Variants in REDIC1 observed in about 807,000 individuals in gnomAD.
REDIC1 encodes the protein HEI10 Interacting Protein 1.
At chr12:39,735,517 G>T in the REDIC1 span, among the ~76,000 whole-genome samples, 19 of 152,144 alleles carry the variant, frequency 1.2e-4, no homozygotes, top group Admixed American at 1.2e-3. Flanking sequence ...GCAACAGAAA[G>T]AACTTTAATA....
At chr12:39,720,213 C>T in the REDIC1 span, among the ~76,000 whole-genome samples, 41 of 151,906 alleles carry the variant, frequency 2.7e-4, no homozygotes, top group African/African-American at 9.9e-4. Flanking sequence ...TGCTACTTAA[C>T]TTTTCTTTGT....
At chr12:39,709,518 C>T in the REDIC1 span, among the ~76,000 whole-genome samples, 1 of 151,522 alleles carries the variant, frequency 6.6e-6, no homozygotes, top group Non-Finnish European at 1.5e-5. Context: ...CCCCTCCCCC[C>T]AGCCCCTGGC....
chr12:39,870,838 G>T, the REDIC1 span, among the ~76,000 whole-genome samples: 1 of 152,178 alleles, frequency 6.6e-6, no homozygotes, highest in Admixed American at 6.5e-5. Context: ...TCAGGAGAGG[G>T]TATGTATTTC....
At chr12:39,672,417 G>A in the REDIC1 span, among the ~76,000 whole-genome samples, 3 of 152,112 alleles carry the variant, frequency 2.0e-5, no homozygotes, top group African/African-American at 7.2e-5. Flanking sequence ...TGCTGCTAGG[G>A]GGAGGCAGTT....
the REDIC1 span, among the ~76,000 whole-genome samples, chr12:39,801,338 TTAAAAAAAA>T: frequency 1.1e-4 from 2 of 17,672 alleles, no homozygotes; most frequent in African/African-American, 4.7e-4. Flanking sequence ...AATGAGGAAA[TTAAAAAAAA>T]AAAAAAAAAA....
chr12:39,830,051 G>T, the REDIC1 span: 4 of 1,608,992 alleles, frequency 2.5e-6, no homozygotes, highest in Non-Finnish European at 3.4e-6. Flanking sequence ...TTAAACATAA[G>T]CCTCGTTTTG....
the REDIC1 span, among the ~76,000 whole-genome samples, chr12:39,876,781 C>T: frequency 6.6e-6 from 1 of 152,004 alleles, no homozygotes; most frequent in Non-Finnish European, 1.5e-5. Context: ...ACGTTAATTT[C>T]ATAAATAAAA....
the REDIC1 span, chr12:39,746,177 C>T: frequency 6.6e-6 from 1 of 152,284 alleles, no homozygotes; most frequent in Non-Finnish European, 1.5e-5. Flanking sequence ...AGGGAATTCC[C>T]TTTCCTAGCC....
chr12:39,783,226 T>G, the REDIC1 span, among the ~76,000 whole-genome samples: 6 of 152,248 alleles, frequency 3.9e-5, no homozygotes, highest in Non-Finnish European at 8.8e-5. Context: ...CTGCATAGTA[T>G]TCCATGGTGT....
chr12:39,863,617 T>C, the REDIC1 span, among the ~76,000 whole-genome samples: 2 of 152,164 alleles, frequency 1.3e-5, no homozygotes, highest in African/African-American at 4.8e-5. Context: ...GAGGCAGATG[T>C]CCAAATAAAG....
At chr12:39,869,489 T>C in the REDIC1 span, among the ~76,000 whole-genome samples, 1 of 152,152 alleles carries the variant, frequency 6.6e-6, no homozygotes, top group African/African-American at 2.4e-5. Flanking sequence ...GGAAATCAAA[T>C]AGACTGTGTC....
chr12:39,730,586 T>C, the REDIC1 span, among the ~76,000 whole-genome samples: 3 of 152,326 alleles, frequency 2.0e-5, no homozygotes, highest in African/African-American at 7.2e-5. Flanking sequence ...TGGCTACCCT[T>C]AACATTTTTT....
At chr12:39,890,477 A>T in the REDIC1 span, among the ~76,000 whole-genome samples, 1 of 152,140 alleles carries the variant, frequency 6.6e-6, no homozygotes, top group Non-Finnish European at 1.5e-5. Flanking sequence ...AGACAGGGAG[A>T]TTATTCTGGA....
the REDIC1 span, among the ~76,000 whole-genome samples, chr12:39,761,612 G>C: frequency 1.2e-4 from 10 of 84,642 alleles, no homozygotes; most frequent in East Asian, 3.2e-3. Context: ...CTAGCTCTTG[G>C]AGAATGGGGG....
At chr12:39,769,696 C>G in the REDIC1 span, among the ~76,000 whole-genome samples, 4 of 152,036 alleles carry the variant, frequency 2.6e-5, no homozygotes, top group East Asian at 7.8e-4. Flanking sequence ...TATTTAGTTT[C>G]ATCCTACTTG....
chr12:39,724,915 T>C, the REDIC1 span, among the ~76,000 whole-genome samples: 2 of 151,670 alleles, frequency 1.3e-5, no homozygotes. Context: ...GTATCAACAG[T>C]ATAGGAGAGA....
At chr12:39,883,213 A>T in the REDIC1 span, among the ~76,000 whole-genome samples, 4 of 152,078 alleles carry the variant, frequency 2.6e-5, no homozygotes, top group East Asian at 1.9e-4. Flanking sequence ...GATTAAAGAA[A>T]TTTTTTTTAA....
At chr12:39,827,311 T>G in the REDIC1 span, among the ~76,000 whole-genome samples, 1 of 152,240 alleles carries the variant, frequency 6.6e-6, no homozygotes, top group East Asian at 1.9e-4. Context: ...GTACCATTAT[T>G]TCCATTTGTA....
At chr12:39,809,276 C>G in the REDIC1 span, among the ~76,000 whole-genome samples, 4 of 152,126 alleles carry the variant, frequency 2.6e-5, no homozygotes, top group African/African-American at 9.7e-5. Context: ...ATGTTTATGT[C>G]TATTTTACCA....
Sources: gnomAD v4.1 joint callset for allele counts (sites outside exome capture counted in the v4.1 genomes callset) on GRCh38, gnomAD v4.1.1 for gene constraint, MANE v1.5 for transcripts, NCBI Gene and HGNC (gene_info 2026-07-23, HGNC 2026-07-21) for gene names.